The following RBM20 variants were observed in gnomAD, a reference collection of about 807,000 sequenced individuals.
RBM20 encodes RNA binding motif protein 20.
Under a neutral mutation model 110.1 loss-of-function variants are expected in RBM20, and 51 were observed. That is an observed-to-expected ratio of 0.46 (90% CI 0.37 to 0.59). The LOEUF (loss-of-function observed/expected upper bound fraction) is 0.59, where lower values mean the gene tolerates loss of function less well. RBM20 is among the 20% of genes least tolerant of loss of function. RBM20 has a pLI of 0.00. For synonymous variants in RBM20, 589 were observed against 618.2 expected (o/e 0.95, Z 0.70); for missense variants, 1,512 against 1,574.9 (o/e 0.96, Z 0.68).
At chr10:110,817,793 G>A (rs530641720) in intron 9 of RBM20, among the ~76,000 whole-genome samples, 1 of 152,320 alleles carries the variant, frequency 6.6e-6, no homozygotes, top group Admixed American at 6.5e-5. Flanking sequence ...GACAGAGGAA[G>A]CAGCATGCAC....
intron 7 of RBM20, among the ~76,000 whole-genome samples, chr10:110,805,489 C>T (rs1844682658): frequency 1.3e-5 from 2 of 152,166 alleles, no homozygotes; most frequent in South Asian, 2.1e-4. Flanking sequence ...TGTCAGAGGG[C>T]ATGAAACTTT....
chr10:110,681,881 C>G (rs1235702701), intron 1 of RBM20, among the ~76,000 whole-genome samples: 1 of 150,890 alleles, frequency 6.6e-6, no homozygotes, highest in African/African-American at 2.5e-5. Context: ...CTTTTCTTTT[C>G]TGCTTTTTTT....
intron 1 of RBM20, among the ~76,000 whole-genome samples, chr10:110,777,923 C>G (rs562882105): frequency 6.6e-6 from 1 of 152,230 alleles, no homozygotes; most frequent in Non-Finnish European, 1.5e-5. Flanking sequence ...AAGAGTTGGC[C>G]CTGTGTGGCC....
intron 1 of RBM20, among the ~76,000 whole-genome samples, chr10:110,662,269 T>C (rs968598830): frequency 3.3e-5 from 5 of 152,194 alleles, no homozygotes; most frequent in South Asian, 2.1e-4. Flanking sequence ...CCACTTGCGG[T>C]TCACAAAGAC....
intron 1 of RBM20, among the ~76,000 whole-genome samples, chr10:110,765,459 C>G (rs1844067250): frequency 6.6e-6 from 1 of 152,118 alleles, no homozygotes; most frequent in Admixed American, 6.6e-5. Context: ...ATATGAATTT[C>G]AGCACCTCTT....
chr10:110,715,173 G>A (rs1051124872), intron 1 of RBM20, among the ~76,000 whole-genome samples: 1 of 152,180 alleles, frequency 6.6e-6, no homozygotes, highest in Non-Finnish European at 1.5e-5. Flanking sequence ...GCTTGAACCA[G>A]GGAGGCAGAG....
intron 1 of RBM20, among the ~76,000 whole-genome samples, chr10:110,683,240 A>G (rs1262041187): frequency 1.3e-5 from 2 of 152,322 alleles, no homozygotes; most frequent in Non-Finnish European, 2.9e-5. Context: ...GTGCCCTAAG[A>G]CCTAATAGGT....
At chr10:110,668,619 T>C (rs1214172480) in intron 1 of RBM20, among the ~76,000 whole-genome samples, 1 of 151,598 alleles carries the variant, frequency 6.6e-6, no homozygotes, top group Admixed American at 6.6e-5. Flanking sequence ...AAAAAAAAAC[T>C]GAACAAGTGT....
chr10:110,774,722 T>G (rs935792145), intron 1 of RBM20, among the ~76,000 whole-genome samples: 1 of 152,150 alleles, frequency 6.6e-6, no homozygotes, highest in South Asian at 2.1e-4. Flanking sequence ...GTAGAATGAG[T>G]GAGTTAAACT....
chr10:110,702,501 A>T lies in RBM20; in HGVS notation c.191+57856A>T, dbSNP rs183339765. Among the ~76,000 whole-genome samples the T allele has an allele frequency of 3.9e-5, 6 of 152,334 alleles. No homozygotes were observed. The East Asian group carries it at 1.2e-3, about 29-fold the overall frequency. Reference sequence around the variant, plus strand: ...TAATGGGCTCGGATGGCGACCGTGCACTGCAGCCCGGGGCGACACAATGAG... The same window carrying T: ...TAATGGGCTCGGATGGCGACCGTGCTCTGCAGCCCGGGGCGACACAATGAG... On this transcript the variant is annotated intron_variant, in intron 1 of 13. Coordinates refer to ENST00000369519, the MANE Select transcript of RBM20 (RefSeq NM_001134363.3).
chr10:110,806,595 G>C (rs1844698531), intron 7 of RBM20, among the ~76,000 whole-genome samples: 1 of 152,200 alleles, frequency 6.6e-6, no homozygotes, highest in African/African-American at 2.4e-5. Flanking sequence ...TCAACATCTG[G>C]GATTACAATT....
rs1366402693 is a variant in RBM20 at position 110,810,450 on chromosome 10, G to A, written c.1868G>A (p.Arg623Gln). 12 of 1,551,198 alleles carry A rather than the reference G, an allele frequency of 7.7e-6. No individual in the cohort carries two copies. The highest frequency in any genetic ancestry group is 4.9e-5 in the East Asian group (2 of 40,912). ...IHSQRERDMF[R>Q]EADRYGPERP... ...TCCCAGAGGGAGAGGGACATGTTCC[G>A]GGAAGCAGACAGGTGAGGCCCCAAG... The change falls in exon 8 of 14, where the codon CGG becomes CAG. Residue 623 changes from arginine to glutamine, a missense_variant. By Grantham distance (43) the Arg-to-Gln change is conservative. Transcript: ENST00000369519.
intron 1 of RBM20, among the ~76,000 whole-genome samples, chr10:110,738,316 T>C (rs7099556): frequency 0.71 from 107,435 of 152,028 alleles, 38,720 homozygotes; most frequent in African/African-American, 0.86. Context: ...CAGTGCCCAC[T>C]GCTGCTTACA....
chr10:110,684,413 AC>A (rs1262552581), intron 1 of RBM20, among the ~76,000 whole-genome samples: 6 of 151,554 alleles, frequency 4.0e-5, no homozygotes, highest in Non-Finnish European at 5.9e-5. Flanking sequence ...ACAAAACAAA[AC>A]AAAACAAAAC....
intron 1 of RBM20, among the ~76,000 whole-genome samples, chr10:110,657,449 C>A (rs967723649): frequency 6.6e-6 from 1 of 151,980 alleles, no homozygotes; most frequent in Non-Finnish European, 1.5e-5. Context: ...ATTTGTATAT[C>A]TTCTTTTGAG....
At chr10:110,652,926 C>G (rs561775751) in intron 1 of RBM20, among the ~76,000 whole-genome samples, 1 of 152,308 alleles carries the variant, frequency 6.6e-6, no homozygotes, top group South Asian at 2.1e-4. Flanking sequence ...CCCACCCACA[C>G]GGGACTTTTA....
chr10:110,709,731 T>C (rs990333300), intron 1 of RBM20, among the ~76,000 whole-genome samples: 1 of 151,822 alleles, frequency 6.6e-6, no homozygotes, highest in Admixed American at 6.6e-5. Flanking sequence ...CATGCCTGGC[T>C]ATTTTGTTTT....
chr10:110,824,254 A>T (rs2135127002), intron 12 of RBM20, among the ~76,000 whole-genome samples: 1 of 152,314 alleles, frequency 6.6e-6, no homozygotes, highest in East Asian at 1.9e-4. Context: ...TCAGGCAGGA[A>T]AGCAGATGCC....
chr10:110,742,785 A>G (rs1033782671), intron 1 of RBM20, among the ~76,000 whole-genome samples: 3 of 152,230 alleles, frequency 2.0e-5, no homozygotes, highest in Non-Finnish European at 4.4e-5. Flanking sequence ...AGGCTCGGTT[A>G]GTATTTCAAA....
Sources: gnomAD v4.1 joint callset for allele counts (sites outside exome capture counted in the v4.1 genomes callset) on GRCh38, gnomAD v4.1.1 for gene constraint, MANE v1.5 for transcripts, NCBI Gene and HGNC (gene_info 2026-07-23, HGNC 2026-07-21) for gene names.